TMEM232: variants seen among roughly 807,000 people sequenced by gnomAD.
The protein encoded by TMEM232 is transmembrane protein 232.
A neutral mutation model predicts 78.8 loss-of-function variants in TMEM232; 80 were observed. The observed-to-expected ratio is 1.01, with a 90% CI of 0.85 to 1.22. The LOEUF is 1.22. Among genes scored for constraint, TMEM232 ranks in the 50% most tolerant of loss-of-function variants. The pLI is 0.00. For synonymous variants in TMEM232, 297 were observed against 254.3 expected, an observed-to-expected ratio of 1.17 and a Z score of -1.60; for missense variants, 881 against 742.2, an observed-to-expected ratio of 1.19 and a Z score of -2.17.
At chr5:110,486,149 G>A (rs1764440180) in intron 12 of TMEM232, among the ~76,000 whole-genome samples, 1 of 151,192 alleles carries the variant, frequency 6.6e-6, no homozygotes, top group Non-Finnish European at 1.5e-5. Flanking sequence ...CATGTCCTTA[G>A]CCCACTTTTT....
chr5:110,662,966 A>C (rs1187101508), intron 2 of TMEM232, among the ~76,000 whole-genome samples: 1 of 152,136 alleles, frequency 6.6e-6, no homozygotes, highest in Non-Finnish European at 1.5e-5. Context: ...AAAGATTGAT[A>C]TATCTGACTT....
At chr5:110,729,991 T>G (rs545958732), upstream of TMEM232, among the ~76,000 whole-genome samples, 1 of 152,344 alleles carries the variant, frequency 6.6e-6, no homozygotes, top group Admixed American at 6.5e-5. Context: ...TTCCTTAGCA[T>G]TCTGAGTGCT....
At chr5:110,618,052 G>A (rs1783161836) in intron 8 of TMEM232, 1 of 179,178 alleles carries the variant, frequency 5.6e-6, no homozygotes, top group African/African-American at 2.4e-5. Flanking sequence ...TTACAAGTAA[G>A]GCATAAAGAA....
At chr5:110,700,078 C>T (rs977370305) in intron 1 of TMEM232, among the ~76,000 whole-genome samples, 5 of 152,016 alleles carry the variant, frequency 3.3e-5, no homozygotes, top group Non-Finnish European at 5.9e-5. Flanking sequence ...AAGCAATTTT[C>T]TTAAGCAGAC....
At chr5:110,471,631 A>C (rs1762692126) in intron 12 of TMEM232, among the ~76,000 whole-genome samples, 1 of 151,858 alleles carries the variant, frequency 6.6e-6, no homozygotes, top group Non-Finnish European at 1.5e-5. Flanking sequence ...AAAAAAAAGA[A>C]GACAAAAAAA....
chr5:110,392,106 ATTAC>A lies in TMEM232; in HGVS notation n.391-1470_391-1467del, dbSNP rs569163702. Among the ~76,000 whole-genome samples, 88 of 152,298 alleles carry A rather than the reference ATTAC, an allele frequency of 5.8e-4. 1 individual carries two copies. Among genetic ancestry groups the A allele is most frequent in the Middle Eastern group, 6.8e-3 (2 of 294 alleles). ...ATGGTATTGCTATTGCAGAAGTTTTATTACTTCTGATACTGAAAGGTAGCAGGGA... is the reference window on the plus strand; with the variant it reads ...ATGGTATTGCTATTGCAGAAGTTTTATTCTGATACTGAAAGGTAGCAGGGA... On this transcript the variant is annotated intron_variant and non_coding_transcript_variant, in intron 3 of 8. Coordinates refer to the TMEM232 transcript ENST00000507188.
At chr5:110,400,582 C>A (rs1755554641) in intron 2 of TMEM232, among the ~76,000 whole-genome samples, 1 of 151,750 alleles carries the variant, frequency 6.6e-6, no homozygotes, top group African/African-American at 2.4e-5. Flanking sequence ...TCTCAGTGGG[C>A]AGGGAAAGTC....
intron 2 of TMEM232, among the ~76,000 whole-genome samples, chr5:110,646,449 T>G (rs1034438723): frequency 2.0e-5 from 3 of 151,656 alleles, no homozygotes; most frequent in Non-Finnish European, 4.4e-5. Flanking sequence ...ATCTTTGACA[T>G]GGGTTGAAAG....
intron 12 of TMEM232, among the ~76,000 whole-genome samples, chr5:110,450,117 G>C (rs556959863): frequency 6.6e-6 from 1 of 152,044 alleles, no homozygotes. Flanking sequence ...ATGTGAAAAC[G>C]TGCTTGCTGC....
intron 10 of TMEM232, among the ~76,000 whole-genome samples, chr5:110,589,429 G>C (rs983635322): frequency 6.6e-6 from 1 of 152,116 alleles, no homozygotes. Flanking sequence ...GACTGTCTGA[G>C]AGAATTTCTC....
intron 12 of TMEM232, among the ~76,000 whole-genome samples, chr5:110,444,415 C>A (rs780006605): frequency 6.6e-6 from 1 of 152,094 alleles, no homozygotes; most frequent in Non-Finnish European, 1.5e-5. Flanking sequence ...TGCACAGACT[C>A]TGTACCATGT....
intron 12 of TMEM232, among the ~76,000 whole-genome samples, chr5:110,433,251 A>T (rs1273147966): frequency 1.3e-5 from 2 of 151,824 alleles, no homozygotes; most frequent in Non-Finnish European, 2.9e-5. Context: ...GTCTCAATAG[A>T]TTTTAAGCAA....
At chr5:110,699,547 G>A (rs1358822150) in intron 1 of TMEM232, among the ~76,000 whole-genome samples, 3 of 152,046 alleles carry the variant, frequency 2.0e-5, no homozygotes, top group Non-Finnish European at 4.4e-5. Flanking sequence ...GAATTAAGCA[G>A]AAAGAATGGG....
At chr5:110,482,929 A>T (rs991637288) in intron 12 of TMEM232, among the ~76,000 whole-genome samples, 1 of 150,540 alleles carries the variant, frequency 6.6e-6, no homozygotes, top group African/African-American at 2.5e-5. Context: ...AAGAAATACT[A>T]ACAAGAGTCC....
intron 9 of TMEM232, 69 bp from the exon 10 acceptor site, chr5:110,605,427 T>C (rs2149828671): frequency 6.9e-7 from 1 of 1,444,662 alleles, no homozygotes; most frequent in East Asian, 2.5e-5. Context: ...CACAGTGTAC[T>C]TATAATAATT....
intron 2 of TMEM232, among the ~76,000 whole-genome samples, chr5:110,403,431 C>T (rs984470967): frequency 3.9e-5 from 6 of 152,030 alleles, no homozygotes; most frequent in Non-Finnish European, 1.5e-5. Context: ...AAGGACGTCC[C>T]ATATTCTTAT....
At chr5:110,556,545 G>A (rs1006586464) in intron 11 of TMEM232, among the ~76,000 whole-genome samples, 2 of 151,942 alleles carry the variant, frequency 1.3e-5, no homozygotes, top group African/African-American at 2.4e-5. Flanking sequence ...GCACCACCAC[G>A]CCCAGCTAAT....
chr5:110,393,243 T>G (rs1219336870), intron 3 of TMEM232, among the ~76,000 whole-genome samples: 3 of 152,232 alleles, frequency 2.0e-5, no homozygotes, highest in Non-Finnish European at 4.4e-5. Flanking sequence ...TTCTATCAAA[T>G]GCTGAGAGAA....
chr5:110,562,399 C>G (rs1456581686), intron 11 of TMEM232, among the ~76,000 whole-genome samples: 1 of 152,102 alleles, frequency 6.6e-6, no homozygotes, highest in African/African-American at 2.4e-5. Flanking sequence ...CTGCAAGATG[C>G]TCTTTGACCC....
Sources: allele counts gnomAD v4.1 joint callset (sites outside exome capture counted in the v4.1 genomes callset), GRCh38; gene constraint gnomAD v4.1.1; transcripts MANE v1.5; gene names NCBI Gene and HGNC (gene_info 2026-07-23, HGNC 2026-07-21).